The following BBS9 variants were observed in gnomAD, a reference collection of about 807,000 sequenced individuals.
The protein encoded by BBS9 is protein PTHB1.
BBS9 carries 89 observed loss-of-function variants against 117.7 expected under a neutral mutation model. The observed-to-expected ratio is 0.76, with a 90% CI of 0.64 to 0.90. The LOEUF (loss-of-function observed/expected upper bound fraction) is 0.90. Among genes scored for constraint, BBS9 ranks in the 40% least tolerant of loss-of-function variants. BBS9 has a pLI of 0.00. For synonymous variants in BBS9, 379 were observed against 370.9 expected, an observed-to-expected ratio of 1.02 and a Z score of -0.25; for missense variants, 982 against 1,042.2, an observed-to-expected ratio of 0.94 and a Z score of 0.80.
chr7:33,606,810 C>T (rs1396589890), downstream of BBS9, among the ~76,000 whole-genome samples: 1 of 152,158 alleles, frequency 6.6e-6, no homozygotes, highest in Non-Finnish European at 1.5e-5. Context: ...GCATCATGGA[C>T]TGTACTTTTA....
chr7:33,469,150 A>G (rs1299126718), intron 19 of BBS9, among the ~76,000 whole-genome samples: 1 of 144,030 alleles, frequency 6.9e-6, no homozygotes, highest in Non-Finnish European at 1.6e-5. Context: ...ATATTGGTCG[A>G]ATCTGAGGGA....
chr7:33,520,430 G>A (rs1848441004), intron 20 of BBS9, among the ~76,000 whole-genome samples: 1 of 152,068 alleles, frequency 6.6e-6, no homozygotes, highest in Non-Finnish European at 1.5e-5. Context: ...TAATGGTATG[G>A]GAATAACTAC....
chr7:33,304,301 G>A (rs907191786), intron 9 of BBS9, among the ~76,000 whole-genome samples: 2 of 143,884 alleles, frequency 1.4e-5, no homozygotes, highest in Non-Finnish European at 3.0e-5. Flanking sequence ...GAGCGCCTCT[G>A]CCCGGCCGCC....
chr7:33,183,644 A>G (rs966646195), intron 5 of BBS9, among the ~76,000 whole-genome samples: 1 of 152,200 alleles, frequency 6.6e-6, no homozygotes, highest in Non-Finnish European at 1.5e-5. Context: ...AGAGCAGTCA[A>G]TTTTGAGCTT....
intron 21 of BBS9, among the ~76,000 whole-genome samples, chr7:33,540,288 A>G (rs1852073635): frequency 6.6e-6 from 1 of 152,216 alleles, no homozygotes; most frequent in Non-Finnish European, 1.5e-5. Flanking sequence ...TCAGACAAAT[A>G]AGGTATTTAA....
intron 16 of BBS9, among the ~76,000 whole-genome samples, chr7:33,358,560 T>A (rs1584480109): frequency 6.6e-6 from 1 of 151,836 alleles, no homozygotes; most frequent in African/African-American, 2.4e-5. Flanking sequence ...ACATTTGGGG[T>A]AATTTGTGAT....
At chr7:33,527,986 T>C (rs1849910354) in intron 20 of BBS9, among the ~76,000 whole-genome samples, 1 of 152,230 alleles carries the variant, frequency 6.6e-6, no homozygotes, top group Non-Finnish European at 1.5e-5. Flanking sequence ...TAACCCATTA[T>C]ACGATTAGCT....
intron 21 of BBS9, among the ~76,000 whole-genome samples, chr7:33,543,944 T>C (rs1369920370): frequency 6.6e-6 from 1 of 152,208 alleles, no homozygotes; most frequent in African/African-American, 2.4e-5. Flanking sequence ...TCAAAGACCT[T>C]GTCTTCGAGC....
intron 9 of BBS9, among the ~76,000 whole-genome samples, chr7:33,315,974 A>G (rs995415623): frequency 6.6e-6 from 1 of 152,086 alleles, no homozygotes; most frequent in South Asian, 2.1e-4. Context: ...GTAAGGTAAA[A>G]TTTACATACA....
At chr7:33,299,552 A>T (rs970551703) in intron 9 of BBS9, among the ~76,000 whole-genome samples, 1 of 149,038 alleles carries the variant, frequency 6.7e-6, no homozygotes, top group East Asian at 1.9e-4. Context: ...TTATAATTTA[A>T]TAATAATCAA....
At chr7:33,406,101 C>G (rs538736360) in intron 19 of BBS9, among the ~76,000 whole-genome samples, 1 of 152,146 alleles carries the variant, frequency 6.6e-6, no homozygotes, top group African/African-American at 2.4e-5. Context: ...CGTTATGTAC[C>G]CAGTAGTCAT....
intron 20 of BBS9, among the ~76,000 whole-genome samples, chr7:33,522,034 A>G (rs1848697514): frequency 6.6e-6 from 1 of 151,584 alleles, no homozygotes; most frequent in African/African-American, 2.4e-5. Context: ...ACTGAGAATG[A>G]TGATTTCCAA....
intron 19 of BBS9, among the ~76,000 whole-genome samples, chr7:33,497,269 G>A (rs1325533985): frequency 1.3e-5 from 2 of 152,176 alleles, no homozygotes; most frequent in East Asian, 1.9e-4. Context: ...CATTCAAATT[G>A]GGAGCCTGAC....
intron 6 of BBS9, among the ~76,000 whole-genome samples, chr7:33,261,171 G>T (rs977373878): frequency 6.0e-5 from 9 of 151,190 alleles, no homozygotes; most frequent in African/African-American, 2.2e-4. Flanking sequence ...CTCCCCTTCA[G>T]TTCTTCCCTG....
chr7:33,382,506 T>A (rs533589059), intron 17 of BBS9, among the ~76,000 whole-genome samples: 1 of 149,866 alleles, frequency 6.7e-6, no homozygotes, highest in Admixed American at 6.7e-5. Context: ...AGGGAGCAAA[T>A]GTAATAATCT....
chr7:33,611,553 T>TTATATATTATATGTAATATATAAGG (rs1447402920), intron 21 of BBS9, among the ~76,000 whole-genome samples: 3 of 139,344 alleles, frequency 2.2e-5, no homozygotes, highest in East Asian at 2.0e-4. Context: ...TTATATAATA[T>TTATATATTATATGTAATATATAAGG]TATATATTAT....
intron 5 of BBS9, among the ~76,000 whole-genome samples, chr7:33,231,538 A>T (rs1458084797): frequency 1.3e-5 from 2 of 149,344 alleles, no homozygotes; most frequent in Non-Finnish European, 3.0e-5. Context: ...CATTCTCAGA[A>T]TTTTTTTTAG....
intron 5 of BBS9, among the ~76,000 whole-genome samples, chr7:33,212,653 G>T (rs1788234609): frequency 6.6e-6 from 1 of 152,116 alleles, no homozygotes; most frequent in Admixed American, 6.5e-5. Context: ...GGTATTTATT[G>T]TAGTCTTTGC....
intron 1 of BBS9, among the ~76,000 whole-genome samples, chr7:33,145,460 G>A (rs138707537): frequency 6.6e-6 from 1 of 152,286 alleles, no homozygotes; most frequent in East Asian, 1.9e-4. Flanking sequence ...CGGATAGTTA[G>A]TGGTATAAAT....
Sources: gnomAD v4.1 joint callset for allele counts (sites outside exome capture counted in the v4.1 genomes callset) on GRCh38, gnomAD v4.1.1 for gene constraint, MANE v1.5 for transcripts, NCBI Gene and HGNC (gene_info 2026-07-23, HGNC 2026-07-21) for gene names.